AOPEP: variants seen among roughly 807,000 people sequenced by gnomAD.
AOPEP encodes aminopeptidase O (putative), also known as aminopeptidase O.
A neutral mutation model predicts 98.1 loss-of-function variants in AOPEP; 77 were observed. The observed-to-expected ratio is 0.78, with a 90% CI of 0.65 to 0.95. The LOEUF (loss-of-function observed/expected upper bound fraction) is 0.95. Among genes scored for constraint, AOPEP ranks in the 40% least tolerant of loss-of-function variants. The probability of loss-of-function intolerance (pLI) is 0.00; values close to 1 mark genes in which losing one functional copy is unlikely to be tolerated. For missense variants in AOPEP, 1,024 were observed against 1,024.7 expected (o/e 1.00, Z 0.01); for synonymous variants, 346 against 365.3 (o/e 0.95, Z 0.60).
chr9:95,148,991 G>A, the AOPEP span, among the ~76,000 whole-genome samples: 1 of 152,024 alleles, frequency 6.6e-6, no homozygotes, highest in Non-Finnish European at 1.5e-5. Context: ...CGTCCCACCA[G>A]AAGCAGATAT....
intron 13 of AOPEP, among the ~76,000 whole-genome samples, chr9:95,031,149 A>G (rs117131963): frequency 3.3e-5 from 5 of 152,176 alleles, no homozygotes; most frequent in African/African-American, 7.2e-5. Flanking sequence ...CCCCCACATG[A>G]CATGAGCTCT....
chr9:94,831,678 A>C (rs1466849177), intron 5 of AOPEP, among the ~76,000 whole-genome samples: 1 of 151,994 alleles, frequency 6.6e-6, no homozygotes, highest in South Asian at 2.1e-4. Context: ...GATTCTTCCT[A>C]TCCATGATCA....
At chr9:95,016,325 G>A (rs1180106391) in intron 13 of AOPEP, among the ~76,000 whole-genome samples, 1 of 144,496 alleles carries the variant, frequency 6.9e-6, no homozygotes, top group African/African-American at 2.6e-5. Context: ...CCACTGCAAC[G>A]TCAGCCTCCC....
chr9:94,976,654 CT>C (rs778133412), intron 10 of AOPEP, among the ~76,000 whole-genome samples: 2,076 of 136,226 alleles, frequency 0.015, 24 homozygotes, highest in Admixed American at 0.036. Flanking sequence ...AAGACAGCCT[CT>C]TTTTTTTTTT....
the AOPEP span, chr9:95,107,385 A>G: frequency 8.8e-7 from 1 of 1,130,878 alleles, no homozygotes; most frequent in Non-Finnish European, 1.3e-6. Context: ...CTGGCCCCTG[A>G]GAGAGGGAGC....
At chr9:95,054,400 C>G (rs2066646235) in intron 13 of AOPEP, among the ~76,000 whole-genome samples, 1 of 152,132 alleles carries the variant, frequency 6.6e-6, no homozygotes, top group African/African-American at 2.4e-5. Context: ...TATTAATGTA[C>G]ACGTGGTTGT....
At chr9:95,118,456 T>G in the AOPEP span, among the ~76,000 whole-genome samples, 1 of 152,126 alleles carries the variant, frequency 6.6e-6, no homozygotes, top group Non-Finnish European at 1.5e-5. Context: ...ACGCATGGAG[T>G]GCATGGGCTT....
chr9:95,017,981 G>GTA (rs3052077), intron 13 of AOPEP, among the ~76,000 whole-genome samples: 3,140 of 152,286 alleles, frequency 0.021, 109 homozygotes, highest in African/African-American at 0.071. Context: ...TTATTTTAAA[G>GTA]TAGTTTTGCA....
rs560327705 is a variant in AOPEP at position 94,843,689 on chromosome 9, G to A, written c.1364+42687G>A. On this transcript the variant is annotated intron_variant, in intron 5 of 16. Coordinates refer to ENST00000375315, the MANE Select transcript of AOPEP (RefSeq NM_001193329.3). ...AAACTCATTCCATTTAACCCAACTC[G>A]CTTTTTATCTCATCTATTATTGCTC... is the stretch of plus-strand genomic sequence containing the variant. Among the ~76,000 whole-genome samples, 7 of 152,182 alleles carry A rather than the reference G, an allele frequency of 4.6e-5. No homozygotes were observed. In the East Asian group the frequency reaches 9.7e-4, roughly 21 times the overall value.
the AOPEP span, chr9:95,110,475 T>C: frequency 2.0e-5 from 21 of 1,030,312 alleles, 1 homozygote; most frequent in East Asian, 1.1e-3. Context: ...GCTTTCTTTT[T>C]AATCAGACAG....
the AOPEP span, among the ~76,000 whole-genome samples, chr9:95,125,435 C>T: frequency 6.6e-6 from 1 of 152,134 alleles, no homozygotes; most frequent in East Asian, 1.9e-4. Flanking sequence ...ATGCAAATCC[C>T]TTCCACACAG....
At chr9:95,115,289 A>G in the AOPEP span, among the ~76,000 whole-genome samples, 1 of 152,168 alleles carries the variant, frequency 6.6e-6, no homozygotes, top group Non-Finnish European at 1.5e-5. Context: ...GAGATTGCAT[A>G]AGCAGCCCCC....
intron 13 of AOPEP, chr9:95,056,208 A>T (rs1014938210): frequency 6.6e-6 from 1 of 152,232 alleles, no homozygotes; most frequent in African/African-American, 2.4e-5. Context: ...AACTCATGCC[A>T]CTGTCAATCC....
At chr9:94,990,210 A>C (rs754502323) in intron 11 of AOPEP, among the ~76,000 whole-genome samples, 74 of 152,174 alleles carry the variant, frequency 4.9e-4, no homozygotes, top group Admixed American at 9.8e-4. Flanking sequence ...ACTCAATCAC[A>C]AGTCAGCTGG....
At chr9:94,928,621 T>G in intron 7 of AOPEP, 90 bp downstream of exon 7, 1 of 900,960 alleles carries the variant, frequency 1.1e-6, no homozygotes, top group Non-Finnish European at 1.7e-6. Context: ...TCTGCTGTGT[T>G]TCCTTTTTAA....
intron 14 of AOPEP, among the ~76,000 whole-genome samples, chr9:95,076,579 G>A (rs2069096286): frequency 6.6e-6 from 1 of 152,172 alleles, no homozygotes; most frequent in African/African-American, 2.4e-5. Flanking sequence ...AATAATCAAT[G>A]TAATTATATA....
intron 5 of AOPEP, among the ~76,000 whole-genome samples, chr9:94,905,732 A>G (rs754856733): frequency 6.6e-6 from 1 of 152,220 alleles, no homozygotes; most frequent in Non-Finnish European, 1.5e-5. Context: ...GACTTCCAGT[A>G]AAAGCCTTGC....
At chr9:94,864,517 T>C (rs2135490008) in intron 5 of AOPEP, among the ~76,000 whole-genome samples, 1 of 152,318 alleles carries the variant, frequency 6.6e-6, no homozygotes. Context: ...CTGGAAAGTT[T>C]TACGCTGACA....
intron 6 of AOPEP, among the ~76,000 whole-genome samples, chr9:94,926,997 G>A (rs1588924493): frequency 1.3e-5 from 2 of 152,320 alleles, no homozygotes; most frequent in South Asian, 2.1e-4. Context: ...AAATACCAGA[G>A]ACTGGGTGAA....
Sources: gnomAD v4.1 joint callset for allele counts (sites outside exome capture counted in the v4.1 genomes callset) on GRCh38, gnomAD v4.1.1 for gene constraint, MANE v1.5 for transcripts, NCBI Gene and HGNC (gene_info 2026-07-23, HGNC 2026-07-21) for gene names.